The following NELL1 variants were observed in gnomAD, a reference collection of about 807,000 sequenced individuals.
The protein encoded by NELL1 is protein kinase C-binding protein NELL1.
Under a neutral mutation model 107.4 loss-of-function variants are expected in NELL1, and 76 were observed. The ratio of observed to expected loss-of-function variants is 0.71; its 90% CI spans 0.59 to 0.86. NELL1 has a LOEUF of 0.86. Among genes scored for constraint, NELL1 ranks in the 40% least tolerant of loss-of-function variants. The pLI is 0.00. For synonymous variants in NELL1, 353 were observed against 341.2 expected, an observed-to-expected ratio of 1.03 and a Z score of -0.38; for missense variants, 1,024 against 1,005.5, an observed-to-expected ratio of 1.02 and a Z score of -0.25.
chr11:21,429,115 T>C (rs1852906657), intron 15 of NELL1, among the ~76,000 whole-genome samples: 2 of 152,216 alleles, frequency 1.3e-5, no homozygotes, highest in South Asian at 2.1e-4. Flanking sequence ...AAGGCACTAA[T>C]GTGAATTCTA....
At chr11:20,905,775 C>T (rs1311801683) in intron 5 of NELL1, among the ~76,000 whole-genome samples, 1 of 151,906 alleles carries the variant, frequency 6.6e-6, no homozygotes, top group Non-Finnish European at 1.5e-5. Flanking sequence ...ATGAACAAGG[C>T]CTGAGGGATC....
chr11:20,852,651 G>A (rs1488676948), intron 4 of NELL1, among the ~76,000 whole-genome samples: 1 of 152,144 alleles, frequency 6.6e-6, no homozygotes, highest in Non-Finnish European at 1.5e-5. Flanking sequence ...GACTATCAAA[G>A]GTCTCAGCTT....
chr11:21,195,906 G>T (rs1462128357), intron 13 of NELL1, among the ~76,000 whole-genome samples: 2 of 152,168 alleles, frequency 1.3e-5, no homozygotes, highest in Admixed American at 6.5e-5. Context: ...TCAGCCATAG[G>T]CAAGTAATAC....
At position 21,573,406 on chromosome 11, in the gene NELL1, C is replaced by T; in HGVS notation, c.2379C>T (p.Cys793=). ...GATCTCCCTGCACAACCTGTAAATG[C>T]AAGGTAATTGGATGTTCTGCGGATA... The part of the protein sequence containing the change: ...MAGSPCTTCK[C]KNGRVCCSVD... Residue 793 remains cysteine, a synonymous_variant, in exon 19 of 20, where the codon TGC becomes TGT. Coordinates refer to ENST00000357134, the MANE Select transcript of NELL1 (RefSeq NM_006157.5). 6.2e-7 allele frequency: 1 copy of T among 1,610,774 alleles called. No individual in the cohort carries two copies. The highest frequency in any genetic ancestry group is 8.5e-7 in the Non-Finnish European group (1 of 1,178,142).
intron 12 of NELL1, among the ~76,000 whole-genome samples, chr11:21,077,152 T>A (rs1854155929): frequency 6.6e-6 from 1 of 152,138 alleles, no homozygotes; most frequent in Admixed American, 6.6e-5. Context: ...TTGCTCTCTG[T>A]TTCTTTAAAG....
chr11:21,115,135 G>A (rs1447731493), intron 13 of NELL1, among the ~76,000 whole-genome samples: 6 of 152,092 alleles, frequency 3.9e-5, no homozygotes, highest in African/African-American at 9.6e-5. Context: ...AATAGGATAG[G>A]CGCTCTGTCT....
At chr11:21,195,140 G>A (rs1443501880) in intron 13 of NELL1, among the ~76,000 whole-genome samples, 2 of 152,128 alleles carry the variant, frequency 1.3e-5, no homozygotes, top group Admixed American at 1.3e-4. Context: ...CTATGGGAAA[G>A]GTCCAGCAAG....
chr11:21,083,472 C>G (rs982143215), intron 12 of NELL1, among the ~76,000 whole-genome samples: 1 of 152,274 alleles, frequency 6.6e-6, no homozygotes, highest in Non-Finnish European at 1.5e-5. Flanking sequence ...CCAGTGTTAA[C>G]AGGTTACACA....
At chr11:21,545,313 C>G (rs1350593070) in intron 16 of NELL1, among the ~76,000 whole-genome samples, 1 of 151,866 alleles carries the variant, frequency 6.6e-6, no homozygotes, top group Non-Finnish European at 1.5e-5. Flanking sequence ...GTCCCAGAAG[C>G]CTTTGGGGAT....
chr11:21,153,887 G>A (rs1190743716), intron 13 of NELL1, among the ~76,000 whole-genome samples: 5 of 152,160 alleles, frequency 3.3e-5, no homozygotes, highest in African/African-American at 4.8e-5. Context: ...TGGAGAACGT[G>A]TTCTTACCCA....
At chr11:21,476,710 C>T (rs1854343047) in intron 15 of NELL1, among the ~76,000 whole-genome samples, 1 of 152,058 alleles carries the variant, frequency 6.6e-6, no homozygotes, top group Admixed American at 6.6e-5. Context: ...GTAGGAAAGA[C>T]AGTCTTGAAT....
intron 11 of NELL1, among the ~76,000 whole-genome samples, chr11:20,952,477 G>T (rs1164868686): frequency 6.6e-6 from 1 of 152,086 alleles, no homozygotes; most frequent in Non-Finnish European, 1.5e-5. Flanking sequence ...TAATTGAAAT[G>T]GTTTTAGAGA....
intron 12 of NELL1, among the ~76,000 whole-genome samples, chr11:21,103,585 G>T (rs907401070): frequency 6.6e-6 from 1 of 152,134 alleles, no homozygotes; most frequent in Admixed American, 6.6e-5. Flanking sequence ...TAAAGTGGTG[G>T]TTAATAAATG....
chr11:21,123,240 GGCTTGGGCAGATCCCA>G (rs771925509), intron 13 of NELL1, among the ~76,000 whole-genome samples: 35 of 152,116 alleles, frequency 2.3e-4, no homozygotes, highest in Non-Finnish European at 4.6e-4. Context: ...TATCCCCTGA[GGCTTGGGCAGATCCCA>G]GCTTCTTTTG....
chr11:21,563,519 G>A (rs923449520), intron 17 of NELL1, among the ~76,000 whole-genome samples: 3 of 151,878 alleles, frequency 2.0e-5, no homozygotes, highest in African/African-American at 7.3e-5. Context: ...CAGATCAAAA[G>A]TATTTAAAAA....
At chr11:20,802,021 C>G (rs920541773) in intron 3 of NELL1, among the ~76,000 whole-genome samples, 2 of 152,058 alleles carry the variant, frequency 1.3e-5, no homozygotes, top group African/African-American at 4.8e-5. Flanking sequence ...TAATGTGATT[C>G]CTCCAGTTTT....
chr11:21,030,153 GT>G (rs1348826561), intron 12 of NELL1, among the ~76,000 whole-genome samples: 1 of 152,276 alleles, frequency 6.6e-6, no homozygotes, highest in East Asian at 1.9e-4. Flanking sequence ...TTCTTTAGGG[GT>G]CAGCAGAAAA....
chr11:21,483,990 C>CACATATATATAT (rs1854559074), intron 15 of NELL1, among the ~76,000 whole-genome samples: 1 of 88,400 alleles, frequency 1.1e-5, no homozygotes, highest in Non-Finnish European at 2.2e-5. Context: ...TTTTACTTAA[C>CACATATATATAT]ATATATATAT....
At chr11:21,547,351 T>G (rs1856467827) in intron 16 of NELL1, among the ~76,000 whole-genome samples, 1 of 151,828 alleles carries the variant, frequency 6.6e-6, no homozygotes, top group Non-Finnish European at 1.5e-5. Context: ...ATTTCCAGTG[T>G]AGATGAAGCA....
Sources: allele counts gnomAD v4.1 joint callset (sites outside exome capture counted in the v4.1 genomes callset), GRCh38; gene constraint gnomAD v4.1.1; transcripts MANE v1.5; gene names NCBI Gene and HGNC (gene_info 2026-07-23, HGNC 2026-07-21).